The following YAE1 variants were observed in gnomAD, a reference collection of about 807,000 sequenced individuals.
The protein encoded by YAE1 is YAE1 maturation factor of ABCE1.
In YAE1, 22 loss-of-function variants were observed where a neutral mutation model predicts 23.0. The ratio of observed to expected loss-of-function variants is 0.96; its 90% CI spans 0.68 to 1.37. The LOEUF (loss-of-function observed/expected upper bound fraction) is 1.37, where lower values mean the gene tolerates loss of function less well. Among genes scored for constraint, YAE1 ranks in the 40% most tolerant of loss-of-function variants. The pLI is 0.00. For missense variants in YAE1, 260 were observed against 262.1 expected, an observed-to-expected ratio of 0.99 and a Z score of 0.06; for synonymous variants, 101 against 97.0, an observed-to-expected ratio of 1.04 and a Z score of -0.24.
chr7:39,570,451 A>G (rs1790547081), intron 1 of YAE1, 55 bp from the exon 2 acceptor site: 3 of 1,584,454 alleles, frequency 1.9e-6, no homozygotes, highest in Admixed American at 2.0e-5. Flanking sequence ...TTTTCTAGAA[A>G]AGCCTACATG....
In YAE1 at chr7:39,568,911, G is replaced by A. The variant is rs185219310; in HGVS notation, c.130-1595G>A. On this transcript the variant is annotated intron_variant, in intron 1 of 2. Transcript: ENST00000223273. ...TTTTGGAATATATCTCTAAAACCAC[G>A]GAATTGTCACTGAAATATATATTTC... Among the ~76,000 whole-genome samples, 99 of 152,166 alleles carry A rather than the reference G, an allele frequency of 6.5e-4. 1 individual carries two copies. In the East Asian group the frequency reaches 0.015, roughly 23 times the overall value.
downstream of YAE1, among the ~76,000 whole-genome samples, chr7:39,611,419 G>T (rs1432604845): frequency 2.6e-5 from 4 of 152,232 alleles, no homozygotes; most frequent in Non-Finnish European, 5.9e-5. Context: ...CCTGGAGCAG[G>T]AGCATCAGAG....
chr7:39,594,136 T>C (rs1790944064), intron 2 of YAE1, among the ~76,000 whole-genome samples: 1 of 152,260 alleles, frequency 6.6e-6, no homozygotes. Context: ...GGGCAGTAGC[T>C]GAAATCTTTG....
At chr7:39,590,834 T>C (rs912897576) in intron 2 of YAE1, among the ~76,000 whole-genome samples, 3 of 152,206 alleles carry the variant, frequency 2.0e-5, no homozygotes, top group African/African-American at 4.8e-5. Context: ...CCTGTAATAA[T>C]ATCTTACCTT....
In YAE1 at chr7:39,578,619, G is replaced by C. The variant is rs546329755; in HGVS notation, c.251+7992G>C. ...CCTTATGAGCTGCAACACTCACCGC[G>C]AAGGTCTGTAGCTTCACTCCTGAAG... On this transcript the variant is annotated intron_variant, in intron 2 of 2. Coordinates refer to the YAE1 transcript ENST00000432096. Among the ~76,000 whole-genome samples, 13 of 152,194 alleles carry C rather than the reference G, an allele frequency of 8.5e-5. No individual in the cohort carries two copies. The South Asian group carries it at 2.5e-3, about 29-fold the overall frequency.
chr7:39,567,976 C>T (rs974293316), intron 1 of YAE1, among the ~76,000 whole-genome samples: 3 of 152,078 alleles, frequency 2.0e-5, no homozygotes, highest in Admixed American at 2.0e-4. Context: ...TGATTTCTAC[C>T]TGTAAGATAC....
intron 2 of YAE1, 99 bp from the exon 3 acceptor site, chr7:39,572,178 T>A (rs1195310961): frequency 1.6e-6 from 2 of 1,270,264 alleles, no homozygotes; most frequent in East Asian, 2.5e-5. Flanking sequence ...TTATAAACAG[T>A]TTTATGATTA....
chr7:39,575,702 G>C (rs1008497684), downstream of YAE1, among the ~76,000 whole-genome samples: 1 of 152,064 alleles, frequency 6.6e-6, no homozygotes, highest in South Asian at 2.1e-4. Context: ...TTGCCCCTAC[G>C]TAATGCCTTT....
At chr7:39,570,316 A>G in intron 1 of YAE1, 190 bp from the exon 2 acceptor site, 1 of 710,956 alleles carries the variant, frequency 1.4e-6, no homozygotes, top group South Asian at 2.0e-5. Context: ...AAGTGGGATA[A>G]GTAATGATAA....
chr7:39,601,103 A>G (rs1791049095), intron 2 of YAE1, among the ~76,000 whole-genome samples: 1 of 152,240 alleles, frequency 6.6e-6, no homozygotes, highest in African/African-American at 2.4e-5. Context: ...GTAAGCAGGC[A>G]TTATTCAAAC....
chr7:39,580,700 T>C (rs1790729315), intron 2 of YAE1, among the ~76,000 whole-genome samples: 1 of 152,188 alleles, frequency 6.6e-6, no homozygotes, highest in Admixed American at 6.5e-5. Context: ...CTAGTGATTA[T>C]CCCTAAAGCT....
At chr7:39,588,230 G>C (rs1375193905) in intron 2 of YAE1, among the ~76,000 whole-genome samples, 1 of 152,178 alleles carries the variant, frequency 6.6e-6, no homozygotes, top group East Asian at 1.9e-4. Context: ...AGGAAAAATG[G>C]GCCGGACGTG....
chr7:39,569,782 A>G, intron 1 of YAE1: 1 of 762,128 alleles, frequency 1.3e-6, no homozygotes, highest in South Asian at 1.3e-5. Flanking sequence ...ACAAACCATG[A>G]TGAAACGGGT....
intron 2 of YAE1, 37 bp from the exon 3 acceptor site, chr7:39,572,240 A>G (rs1790579544): frequency 1.3e-6 from 2 of 1,543,254 alleles, no homozygotes; most frequent in African/African-American, 1.4e-5. Context: ...TTTAAGTCCT[A>G]TTTTGCTATT....
At chr7:39,592,492 C>G (rs890434320) in intron 2 of YAE1, among the ~76,000 whole-genome samples, 1 of 152,140 alleles carries the variant, frequency 6.6e-6, no homozygotes, top group African/African-American at 2.4e-5. Context: ...ATGGATTTAA[C>G]CCATGGCAAA....
chr7:39,574,412 A>G (rs73375682), downstream of YAE1, among the ~76,000 whole-genome samples: 20,281 of 152,104 alleles, frequency 0.13, 1,761 homozygotes, highest in African/African-American at 0.25. Context: ...AGGCTGGGCA[A>G]CATAGTGAGA....
At chr7:39,598,412 G>GTTT (rs3038990) in intron 2 of YAE1, among the ~76,000 whole-genome samples, 4,088 of 140,894 alleles carry the variant, frequency 0.029, 98 homozygotes, top group Admixed American at 0.067. Context: ...CCTGGGCCAA[G>GTTT]TTTTTTTTTT....
At chr7:39,607,284 G>A (rs1207581259) in intron 2 of YAE1, among the ~76,000 whole-genome samples, 3 of 152,226 alleles carry the variant, frequency 2.0e-5, no homozygotes, top group Non-Finnish European at 4.4e-5. Context: ...GATTATATAG[G>A]AAAGGAATGA....
At chr7:39,584,178 G>C (rs1790781769) in intron 2 of YAE1, among the ~76,000 whole-genome samples, 1 of 152,014 alleles carries the variant, frequency 6.6e-6, no homozygotes, top group African/African-American at 2.4e-5. Flanking sequence ...TAAGGAAGGA[G>C]GAAAAATAAG....
Sources: gnomAD v4.1 joint callset for allele counts (sites outside exome capture counted in the v4.1 genomes callset) on GRCh38, gnomAD v4.1.1 for gene constraint, MANE v1.5 for transcripts, NCBI Gene and HGNC (gene_info 2026-07-23, HGNC 2026-07-21) for gene names.